Variants in CEP170B observed in about 807,000 individuals in gnomAD.
The protein encoded by CEP170B is centrosomal protein 170B, also known as centrosomal protein of 170 kDa protein B.
In CEP170B, 55 loss-of-function variants were observed where a neutral mutation model predicts 120.6. The observed-to-expected ratio is 0.46, with a 90% confidence interval of 0.37 to 0.57. The LOEUF (loss-of-function observed/expected upper bound fraction) is 0.57. Among genes scored for constraint, CEP170B ranks in the 20% least tolerant of loss-of-function variants. The pLI is 0.00. For missense variants in CEP170B, 2,212 were observed against 2,253.3 expected (o/e 0.98, Z 0.37); for synonymous variants, 1,033 against 954.5 (o/e 1.08, Z -1.52).
chr14:104,881,378 G>A (rs1032684087), intron 6 of CEP170B, among the ~76,000 whole-genome samples: 5 of 152,126 alleles, frequency 3.3e-5, no homozygotes, highest in Admixed American at 1.3e-4. Context: ...CTCCCACCTC[G>A]GTCCAGGAGG....
At position 104,894,933 on chromosome 14, in the gene CEP170B, C is replaced by T. The variant is rs1260890374; in HGVS notation, c.4640C>T (p.Pro1547Leu). Residue 1547 changes from proline (P) to leucine (L), a missense_variant, in exon 19 of 19, where the codon CCT (proline) becomes CTT (leucine). Physicochemically the swap from Pro to Leu is moderately conservative, Grantham distance 98 (BLOSUM62 -3). Transcript: ENST00000414716. ...AGCCTCCCGGACCCCACCTTCCTCCCTGATGCCGAGAGGTTCCTGATCTAG... is the reference window on the plus strand; with the variant it reads ...AGCCTCCCGGACCCCACCTTCCTCCTTGATGCCGAGAGGTTCCTGATCTAG... ...PPSLPDPTFLPDAERFLI is the reference protein window; with the variant it reads ...PPSLPDPTFLLDAERFLI 1 of 1,591,314 alleles carries T rather than the reference C, an allele frequency of 6.3e-7. No individual in the cohort carries two copies. The highest frequency in any genetic ancestry group is 8.6e-7 in the Non-Finnish European group (1 of 1,168,946).
At position 104,880,390 on chromosome 14, in the gene CEP170B, C is replaced by T. The variant is rs1896081854; in HGVS notation, c.437C>T (p.Pro146Leu). The change falls in exon 6 of 19, where the codon CCC becomes CTC. Residue 146 changes from proline to leucine, a missense_variant. Coordinates refer to ENST00000414716, the MANE Select transcript of CEP170B (RefSeq NM_001112726.3). ...ACACCATACTGCGAGGCCTCGAACC[C>T]CAGGCCGGAGAAGGGGGACCGGAGA... ...EHTPYCEASNPRPEKGDRRPG... is the reference protein window; with the variant it reads ...EHTPYCEASNLRPEKGDRRPG... 3.1e-6 allele frequency: 5 copies of T among 1,612,656 alleles called. No homozygotes were observed. The highest frequency in any genetic ancestry group is 4.2e-6 in the Non-Finnish European group (5 of 1,179,644).
In CEP170B at chr14:104,896,238, C is replaced by A. The variant is rs1324939555; in HGVS notation, c.*1280C>A. The A allele has an allele frequency of 7.8e-6, 2 of 256,438 alleles. No homozygotes were observed. Among genetic ancestry groups the A allele is most frequent in the South Asian group, 4.1e-5 (1 of 24,362 alleles). The allele number at this position is 256,438 out of a possible 1,614,324, so 15.9% of individuals were successfully genotyped here. A position where few individuals can be genotyped will look rare whatever the true frequency, so the allele number is the denominator to read the frequency against. On this transcript the variant is annotated 3_prime_UTR_variant, in exon 19 of 19. Transcript: ENST00000414716. ...GAGGCTGGAAGCGGGTGGTGTGTGT[C>A]CCCTGTTTACTTTTAGCTGAGCTGG...
chr14:104,884,696 G>A (rs1896367065), intron 9 of CEP170B, 147 bp downstream of exon 9: 1 of 359,542 alleles, frequency 2.8e-6, no homozygotes, highest in East Asian at 3.6e-5. Context: ...GGAACGGGGG[G>A]TGGAGGTGAT....
At chr14:104,884,900 G>A (rs945758143) in intron 9 of CEP170B, among the ~76,000 whole-genome samples, 1 of 43,040 alleles carries the variant, frequency 2.3e-5, no homozygotes, top group East Asian at 5.9e-4. Flanking sequence ...GGGGAACGGG[G>A]GGTGGAGGTG....
chr14:104,866,621 C>T (rs562244680), intron 1 of CEP170B, among the ~76,000 whole-genome samples: 2 of 152,328 alleles, frequency 1.3e-5, no homozygotes, highest in East Asian at 3.9e-4. Context: ...GATTTTTCTA[C>T]ATCTTCCCAC....
In CEP170B at chr14:104,886,958, T is replaced by C; in HGVS notation, c.2719T>C (p.Ser907Pro). The C allele has an allele frequency of 6.2e-7, 1 of 1,608,682 alleles. No individual in the cohort carries two copies. The highest frequency in any genetic ancestry group is 8.5e-7 in the Non-Finnish European group (1 of 1,179,780). Residue 907 changes from serine to proline, a missense_variant, in exon 12 of 19, where the codon TCC (serine) becomes CCC (proline). By Grantham distance (74) the Ser-to-Pro change is moderately conservative. Transcript: ENST00000414716. The part of the protein sequence containing the change: ...ATRAARMDFH[S>P]QDTHLILKET... The stretch of plus-strand genomic sequence containing the variant: ...CCGGGCCGCACGCATGGACTTCCAC[T>C]CCCAGGACACCCACCTGATCTTGAA...
intron 17 of CEP170B, 41 bp downstream of exon 17, chr14:104,894,419 C>T (rs373163043): frequency 1.9e-6 from 3 of 1,606,466 alleles, no homozygotes; most frequent in African/African-American, 1.3e-5. Context: ...TGCCCCCAGC[C>T]AGCCTGCCTT....
intron 12 of CEP170B, 48 bp downstream of exon 12, chr14:104,888,026 G>C: frequency 6.9e-7 from 1 of 1,441,426 alleles, no homozygotes; most frequent in Non-Finnish European, 9.1e-7. Context: ...AGGGCTGCCA[G>C]TGGGTCTGCA....
intron 9 of CEP170B, 48 bp from the exon 10 acceptor site, chr14:104,885,321 G>A: frequency 6.7e-7 from 1 of 1,497,412 alleles, no homozygotes; most frequent in Non-Finnish European, 8.9e-7. Context: ...AGGGTTGGGA[G>A]GTGGGCTTCT....
rs1895312670 is a variant in CEP170B, at chr14:104,868,669, A to G, written c.105+114A>G. 9.8e-7 allele frequency: 1 copy of G among 1,023,628 alleles called. No homozygotes were observed. The highest frequency in any genetic ancestry group is 1.6e-5 in the South Asian group (1 of 63,406). 63.4% of individuals were successfully genotyped at this position (1,023,628 alleles called of 1,614,324 possible). ...AGGCCACCCTGGCGAGGAGGCCGCC[A>G]TGCAGCCCAGGCTGGGCCTCTTAAC... On this transcript the variant is annotated intron_variant, in intron 2 of 18. Coordinates refer to ENST00000414716, the MANE Select transcript of CEP170B (RefSeq NM_001112726.3). This position sits in a 1 kb window ranked among gnomAD's most constrained non-coding sequence, Gnocchi z 5.9.
At chr14:104,871,477 G>A (rs556200224) in intron 2 of CEP170B, among the ~76,000 whole-genome samples, 4 of 146,408 alleles carry the variant, frequency 2.7e-5, no homozygotes, top group South Asian at 4.4e-4. Flanking sequence ...GGCTCACACC[G>A]ACCTTCCTGC....
intron 10 of CEP170B, among the ~76,000 whole-genome samples, 167 bp downstream of exon 10, chr14:104,885,709 A>G (rs1261584158): frequency 1.3e-5 from 2 of 152,154 alleles, no homozygotes; most frequent in African/African-American, 4.8e-5. Flanking sequence ...GATCGGGGCC[A>G]GGTGTCAGGC....
chr14:104,880,653 C>T (rs982876713), intron 6 of CEP170B, among the ~76,000 whole-genome samples: 2 of 151,648 alleles, frequency 1.3e-5, no homozygotes, highest in East Asian at 3.9e-4. Context: ...CCTACCCGTG[C>T]ATGCCTGCAC....
At chr14:104,875,212 C>T (rs1167349582) in intron 2 of CEP170B, among the ~76,000 whole-genome samples, 1 of 152,212 alleles carries the variant, frequency 6.6e-6, no homozygotes, top group African/African-American at 2.4e-5. Flanking sequence ...ACTTCCAGCT[C>T]CTAGTCGTGT....
At position 104,868,417 on chromosome 14, in the gene CEP170B, TC is replaced by T; in HGVS notation, c.-27-3del. ...GAGCCCCACTCTAACAATCCCCTCTTCCCCAGGGCCAGACGGGCCCAGCCAG... is the reference window on the plus strand; with the variant it reads ...GAGCCCCACTCTAACAATCCCCTCTTCCCAGGGCCAGACGGGCCCAGCCAG... On this transcript the variant is annotated splice_polypyrimidine_tract_variant and splice_region_variant and intron_variant, in intron 1 of 18. Transcript: ENST00000414716. The surrounding 1 kb of genome is among the most constrained non-coding windows in gnomAD (Gnocchi z 5.9). The T allele has an allele frequency of 6.5e-7, 1 of 1,539,494 alleles. No individual in the cohort carries two copies.
intron 13 of CEP170B, among the ~76,000 whole-genome samples, chr14:104,890,305 G>GAT (rs1896754500): frequency 7.0e-6 from 1 of 142,844 alleles, no homozygotes; most frequent in African/African-American, 2.6e-5. Context: ...TGGATGGATG[G>GAT]GTGAGTGGGT....
intron 2 of CEP170B, among the ~76,000 whole-genome samples, chr14:104,875,221 G>A (rs79429736): frequency 0.013 from 2,034 of 152,328 alleles, 30 homozygotes; most frequent in African/African-American, 0.029. Context: ...TCCTAGTCGT[G>A]TGGGTTGCAG....
intron 9 of CEP170B, among the ~76,000 whole-genome samples, chr14:104,884,938 C>G (rs1202510256): frequency 1.5e-5 from 1 of 66,188 alleles, no homozygotes; most frequent in African/African-American, 5.6e-5. Context: ...TGAGAGCACT[C>G]GTGGGGAACG....
Sources: allele counts gnomAD v4.1 joint callset (sites outside exome capture counted in the v4.1 genomes callset), GRCh38; gene constraint gnomAD v4.1.1; non-coding constraint Gnocchi (gnomAD v3.1); transcripts MANE v1.5; gene names NCBI Gene and HGNC (gene_info 2026-07-23, HGNC 2026-07-21).